Variants in CCSER1 observed in about 807,000 individuals in gnomAD.
The protein encoded by CCSER1 is serine-rich coiled-coil domain-containing protein 1.
In CCSER1, 41 loss-of-function variants were observed where a neutral mutation model predicts 82.0. The ratio of observed to expected loss-of-function variants is 0.50; its 90% CI spans 0.39 to 0.65. CCSER1 has a LOEUF of 0.65. Ranked by LOEUF, CCSER1 falls within the 30% of genes least tolerant of loss-of-function variation. The pLI is 0.00. For synonymous variants in CCSER1, 414 were observed against 383.9 expected, an observed-to-expected ratio of 1.08 and a Z score of -0.92; for missense variants, 1,119 against 1,064.2, an observed-to-expected ratio of 1.05 and a Z score of -0.72.
At chr4:90,662,035 T>G (rs72873761) in intron 6 of CCSER1, among the ~76,000 whole-genome samples, 74,778 of 147,226 alleles carry the variant, frequency 0.51, 19,274 homozygotes, top group Middle Eastern at 0.66. Context: ...GTCTCACTCT[T>G]TCACCCAGGC....
intron 5 of CCSER1, among the ~76,000 whole-genome samples, chr4:90,522,035 G>T (rs1224432038): frequency 1.3e-5 from 2 of 152,022 alleles, no homozygotes; most frequent in Non-Finnish European, 2.9e-5. Context: ...ACTCTGCCTG[G>T]ATTACCTGGT....
intron 1 of CCSER1, among the ~76,000 whole-genome samples, chr4:90,260,795 A>G (rs927416237): frequency 1.1e-4 from 16 of 152,206 alleles, no homozygotes; most frequent in African/African-American, 3.4e-4. Flanking sequence ...GGCTCACTGC[A>G]ACCTCCGCCT....
intron 4 of CCSER1, among the ~76,000 whole-genome samples, chr4:90,406,979 C>A (rs1753829555): frequency 6.6e-6 from 1 of 151,830 alleles, no homozygotes. Flanking sequence ...AAACACACAC[C>A]CAGCAGAAGA....
At chr4:90,485,190 TCTC>T (rs1766811551) in intron 5 of CCSER1, among the ~76,000 whole-genome samples, 1 of 152,170 alleles carries the variant, frequency 6.6e-6, no homozygotes, top group Non-Finnish European at 1.5e-5. Flanking sequence ...CGGGATATAA[TCTC>T]CTGGTGTGCC....
At chr4:91,267,621 C>T (rs773302195) in intron 10 of CCSER1, among the ~76,000 whole-genome samples, 3 of 152,162 alleles carry the variant, frequency 2.0e-5, no homozygotes, top group African/African-American at 7.2e-5. Flanking sequence ...GTGCATGCTG[C>T]TTCTTATTGT....
intron 6 of CCSER1, among the ~76,000 whole-genome samples, chr4:90,703,963 GC>G (rs1738743264): frequency 6.6e-6 from 1 of 152,082 alleles, no homozygotes; most frequent in Admixed American, 6.6e-5. Context: ...GGAGCATTTA[GC>G]CCATTTCCAT....
intron 10 of CCSER1, among the ~76,000 whole-genome samples, chr4:91,097,900 A>C (rs902654360): frequency 6.6e-6 from 1 of 152,204 alleles, no homozygotes. Context: ...TCTGTTTTAG[A>C]GTCCAGAATG....
chr4:91,510,450 A>G (rs999915365), intron 10 of CCSER1, among the ~76,000 whole-genome samples: 4 of 152,170 alleles, frequency 2.6e-5, no homozygotes, highest in African/African-American at 9.7e-5. Context: ...AATTCTCACC[A>G]GTATAAAGGC....
Position 90,461,458 on chromosome 4 carries a change from T to C in CCSER1, c.1604-6776T>C, listed in dbSNP as rs577400705. Among the ~76,000 whole-genome samples, 314 of 152,324 alleles carry C rather than the reference T, an allele frequency of 2.1e-3. 1 individual carries two copies. The highest frequency in any genetic ancestry group is 3.4e-3 in the Non-Finnish European group (232 of 68,016). ...CATTAACTTTAGGATCAAATACTAA[T>C]GTTTTTAAGTTTTTAAGTTTAGAAG... On this transcript the variant is annotated intron_variant, in intron 4 of 10. Transcript: ENST00000509176.
chr4:90,690,038 T>C (rs1735545202), intron 6 of CCSER1, among the ~76,000 whole-genome samples: 1 of 152,066 alleles, frequency 6.6e-6, no homozygotes, highest in African/African-American at 2.4e-5. Context: ...GGGCCAGGTA[T>C]GCACAGAGCT....
chr4:90,587,457 A>G (rs1782160077), intron 5 of CCSER1, among the ~76,000 whole-genome samples: 1 of 152,158 alleles, frequency 6.6e-6, no homozygotes, highest in South Asian at 2.1e-4. Flanking sequence ...TAAAAATACA[A>G]AAATTAGCCA....
chr4:91,136,066 G>C (rs1283655381), intron 10 of CCSER1, among the ~76,000 whole-genome samples: 17 of 152,122 alleles, frequency 1.1e-4, no homozygotes. Flanking sequence ...AAAAATTTTA[G>C]TTTCCAAATC....
At chr4:91,496,693 A>AT (rs1578620505) in intron 10 of CCSER1, among the ~76,000 whole-genome samples, 2 of 25,462 alleles carry the variant, frequency 7.9e-5, no homozygotes. Flanking sequence ...ATATATATAT[A>AT]TTCAATATAT....
At chr4:91,394,471 C>G (rs975975358) in intron 10 of CCSER1, among the ~76,000 whole-genome samples, 4 of 151,792 alleles carry the variant, frequency 2.6e-5, no homozygotes, top group African/African-American at 7.3e-5. Flanking sequence ...TTCTCTTGAG[C>G]CAATATCATA....
At chr4:90,375,274 A>G (rs1370584543) in intron 3 of CCSER1, among the ~76,000 whole-genome samples, 1 of 152,216 alleles carries the variant, frequency 6.6e-6, no homozygotes, top group African/African-American at 2.4e-5. Flanking sequence ...TGGGCGGTAC[A>G]TCGGGTCTGT....
At chr4:91,109,327 A>G (rs1241787892) in intron 10 of CCSER1, among the ~76,000 whole-genome samples, 1 of 152,118 alleles carries the variant, frequency 6.6e-6, no homozygotes, top group African/African-American at 2.4e-5. Flanking sequence ...TCTATCATGT[A>G]TCTACCTACC....
intron 3 of CCSER1, among the ~76,000 whole-genome samples, chr4:90,372,762 A>T (rs761341722): frequency 2.5e-4 from 34 of 136,030 alleles, no homozygotes; most frequent in African/African-American, 3.4e-4. Context: ...AAAACGTATA[A>T]AAAAAAAAGC....
chr4:91,527,633 T>C (rs1760830609), intron 10 of CCSER1, among the ~76,000 whole-genome samples: 1 of 152,214 alleles, frequency 6.6e-6, no homozygotes, highest in South Asian at 2.1e-4. Context: ...CATAGGTTTC[T>C]ATATTCAATA....
chr4:90,882,725 A>G (rs1721520341), intron 8 of CCSER1, among the ~76,000 whole-genome samples: 1 of 151,986 alleles, frequency 6.6e-6, no homozygotes, highest in South Asian at 2.1e-4. Flanking sequence ...TTTCTAATTC[A>G]TTCTATGATT....
Sources: gnomAD v4.1 joint callset for allele counts (sites outside exome capture counted in the v4.1 genomes callset) on GRCh38, gnomAD v4.1.1 for gene constraint, MANE v1.5 for transcripts, NCBI Gene and HGNC (gene_info 2026-07-23, HGNC 2026-07-21) for gene names.